The following GALNT14 variants were observed in gnomAD, a reference collection of about 807,000 sequenced individuals.
GALNT14 encodes the protein polypeptide N-acetylgalactosaminyltransferase 14, also known as UDP-GalNAc:polypeptide N-acetylgalactosaminyltransferase 14.
GALNT14 carries 60 observed loss-of-function variants against 77.5 expected under a neutral mutation model. That is an observed-to-expected ratio of 0.77 (90% CI 0.63 to 0.96). The LOEUF is 0.96. GALNT14 is among the 40% of genes least tolerant of loss of function. The pLI, the probability that GALNT14 is intolerant of heterozygous loss-of-function variation, is 0.00. For synonymous variants in GALNT14, 280 were observed against 281.7 expected, an observed-to-expected ratio of 0.99 and a Z score of 0.06; for missense variants, 710 against 731.0, an observed-to-expected ratio of 0.97 and a Z score of 0.33.
At position 30,911,210 on chromosome 2, in the gene GALNT14, C is replaced by G. The variant is rs1664338590; in HGVS notation, c.1501-151G>C. ...AGCACTAAAACTGCAACTAATTGCT[C>G]TACCAGGTATTATTGTTGGTTTCTT... On this transcript the variant is annotated intron_variant, in intron 14 of 14. Transcript: ENST00000349752. 3 of 641,474 alleles carry G rather than the reference C, an allele frequency of 4.7e-6. No individual in the cohort carries two copies. The South Asian group carries it at 7.0e-5, about 15-fold the overall frequency. The allele number at this position is 641,474 out of a possible 1,614,324, so 39.7% of individuals were successfully genotyped here.
At chr2:31,053,490 A>T (rs1674021470) in intron 1 of GALNT14, among the ~76,000 whole-genome samples, 1 of 151,810 alleles carries the variant, frequency 6.6e-6, no homozygotes, top group Non-Finnish European at 1.5e-5. Context: ...CAACCCCGAT[A>T]GCCATGGTTC....
chr2:30,956,522 T>C (rs1213292963), intron 4 of GALNT14, among the ~76,000 whole-genome samples: 4 of 152,188 alleles, frequency 2.6e-5, no homozygotes, highest in African/African-American at 4.8e-5. Context: ...CTTTTGTTTG[T>C]TTTTGAGACG....
intron 1 of GALNT14, among the ~76,000 whole-genome samples, chr2:31,119,414 C>G (rs1678272992): frequency 6.6e-6 from 1 of 151,870 alleles, no homozygotes; most frequent in Non-Finnish European, 1.5e-5. Context: ...ATGAATAGAC[C>G]CCTCATAGAA....
intron 2 of GALNT14, among the ~76,000 whole-genome samples, chr2:30,988,581 G>A (rs1178704803): frequency 6.6e-6 from 1 of 151,004 alleles, no homozygotes; most frequent in Non-Finnish European, 1.5e-5. Context: ...GTGTGTGGGG[G>A]AGGTGGTGGC....
At chr2:30,931,539 C>A (rs1447432060) in intron 10 of GALNT14, among the ~76,000 whole-genome samples, 2 of 152,106 alleles carry the variant, frequency 1.3e-5, no homozygotes, top group Non-Finnish European at 2.9e-5. Flanking sequence ...GGAGAGCACA[C>A]CAGCAGACAG....
At chr2:31,057,990 CT>C (rs1403835242) in intron 1 of GALNT14, among the ~76,000 whole-genome samples, 2 of 152,160 alleles carry the variant, frequency 1.3e-5, no homozygotes, top group African/African-American at 4.8e-5. Flanking sequence ...TCGGGGACCT[CT>C]GCCAGGGCTC....
At chr2:31,017,918 T>C (rs1221771343) in intron 1 of GALNT14, among the ~76,000 whole-genome samples, 2 of 152,210 alleles carry the variant, frequency 1.3e-5, no homozygotes, top group African/African-American at 4.8e-5. Context: ...AAGGGTGAGA[T>C]GTCTGTGTGA....
the GALNT14 span, among the ~76,000 whole-genome samples, chr2:30,894,424 T>G: frequency 9.8e-5 from 15 of 152,330 alleles, no homozygotes; most frequent in Admixed American, 9.8e-4. Flanking sequence ...TTCAAAGTTC[T>G]GTTCATGCTC....
intron 6 of GALNT14, among the ~76,000 whole-genome samples, chr2:30,947,412 T>G (rs116512206): frequency 0.032 from 4,831 of 152,270 alleles, 124 homozygotes; most frequent in South Asian, 0.11. Context: ...CAGGAAACAT[T>G]TTCAAAATAT....
At chr2:30,942,499 T>C (rs577321620) in intron 8 of GALNT14, among the ~76,000 whole-genome samples, 195 bp from the exon 9 acceptor site, 2 of 152,202 alleles carry the variant, frequency 1.3e-5, no homozygotes, top group African/African-American at 4.8e-5. Context: ...TTACCTAAAA[T>C]GAGAACAAGC....
Position 30,992,965 on chromosome 2 carries a change from C to T in GALNT14, c.172G>A (p.Glu58Lys). Residue 58 changes from glutamate to lysine, a missense_variant, in exon 2 of 15, where the codon GAG becomes AAG. Transcript: ENST00000349752. ...DWDDLWDQFDERRYLNAKKWR... is the reference protein window; with the variant it reads ...DWDDLWDQFDKRRYLNAKKWR... ...TTTTTGGCATTCAGATACCGCCGCT[C>T]ATCAAACTGGTCCCACAGGTCGTCC... 1 of 1,614,154 alleles carries T rather than the reference C, an allele frequency of 6.2e-7. No homozygotes were observed. The highest frequency in any genetic ancestry group is 8.5e-7 in the Non-Finnish European group (1 of 1,180,022).
intron 13 of GALNT14, among the ~76,000 whole-genome samples, chr2:30,922,886 G>A (rs1378437507): frequency 6.6e-6 from 1 of 152,090 alleles, no homozygotes; most frequent in African/African-American, 2.4e-5. Flanking sequence ...TGAAGATAAG[G>A]AATTTGTGAA....
chr2:30,948,442 T>C (rs1666834441), intron 6 of GALNT14, among the ~76,000 whole-genome samples: 1 of 152,210 alleles, frequency 6.6e-6, no homozygotes, highest in East Asian at 1.9e-4. Flanking sequence ...CCTTGGGCCG[T>C]GTGGTACCAA....
chr2:30,964,145 A>G (rs1419695058), intron 3 of GALNT14, among the ~76,000 whole-genome samples: 1 of 152,154 alleles, frequency 6.6e-6, no homozygotes, highest in Non-Finnish European at 1.5e-5. Context: ...GGGAGAGGCC[A>G]GCCTGGAAAG....
intron 1 of GALNT14, among the ~76,000 whole-genome samples, chr2:31,035,570 T>G (rs549092674): frequency 1.0e-4 from 13 of 128,326 alleles, no homozygotes; most frequent in South Asian, 2.4e-4. Context: ...TGTGTGTGTA[T>G]GTGTGTGTGT....
Position 30,932,201 on chromosome 2 carries a change from G to C in GALNT14, c.932-7C>G, listed in dbSNP as rs775083709. 6.7e-7 allele frequency: 1 copy of C among 1,489,544 alleles called. No individual in the cohort carries two copies. The highest frequency in any genetic ancestry group is 9.0e-7 in the Non-Finnish European group (1 of 1,116,718). The allele number at this position is 1,489,544 out of a possible 1,614,324, so 92.3% of individuals were successfully genotyped here. On this transcript the variant is annotated splice_region_variant and splice_polypyrimidine_tract_variant and intron_variant, in intron 9 of 14. Coordinates refer to ENST00000349752, the MANE Select transcript of GALNT14 (RefSeq NM_024572.4). ...CACACTCGGAAGGAGATTTCTGCAA[G>C]ACAGTCACGCCCCTCCTATGACCTC...
chr2:31,008,138 T>G (rs1417713850), intron 1 of GALNT14, among the ~76,000 whole-genome samples: 1 of 152,104 alleles, frequency 6.6e-6, no homozygotes, highest in Non-Finnish European at 1.5e-5. Context: ...CAGCTGGACT[T>G]CAGTAGTGCA....
At chr2:31,118,624 ACT>A (rs1417199272) in intron 1 of GALNT14, among the ~76,000 whole-genome samples, 5 of 152,220 alleles carry the variant, frequency 3.3e-5, no homozygotes, top group African/African-American at 1.2e-4. Context: ...AATAATGAAC[ACT>A]AAAGCCATTT....
chr2:31,006,007 T>C (rs1439105551), intron 1 of GALNT14, among the ~76,000 whole-genome samples: 1 of 152,180 alleles, frequency 6.6e-6, no homozygotes, highest in African/African-American at 2.4e-5. Context: ...TGGACCTGCC[T>C]GAGACCCCAT....
Sources: gnomAD v4.1 joint callset for allele counts (sites outside exome capture counted in the v4.1 genomes callset) on GRCh38, gnomAD v4.1.1 for gene constraint, MANE v1.5 for transcripts, NCBI Gene and HGNC (gene_info 2026-07-23, HGNC 2026-07-21) for gene names.